RYR2: variants seen among roughly 807,000 people sequenced by gnomAD.
The protein encoded by RYR2 is cardiac muscle ryanodine receptor-calcium release channel.
A neutral mutation model predicts 601.1 loss-of-function variants in RYR2; 227 were observed. That is an observed-to-expected ratio of 0.38 (90% CI 0.34 to 0.42). The LOEUF (loss-of-function observed/expected upper bound fraction) is 0.42, where lower values mean the gene tolerates loss of function less well. Among genes scored for constraint, RYR2 ranks in the 10% least tolerant of loss-of-function variants. The pLI is 1.00. For synonymous variants in RYR2, 2,223 were observed against 2,175.1 expected (o/e 1.02, Z -0.61); for missense variants, 4,646 against 6,156.5 (o/e 0.75, Z 8.21).
rs1553329286 is a variant in RYR2, at chr1:237,795,836, G to GTATATA, written c.13956+513_13956+518dup. ...TATACAGGTATGTATGTGTGTGTGT[G>GTATATA]TATATATATATATGTATATGTATAT... On this transcript the variant is annotated intron_variant, in intron 96 of 104. Coordinates refer to ENST00000366574, the MANE Select transcript of RYR2 (RefSeq NM_001035.3). Among the ~76,000 whole-genome samples the GTATATA allele has an allele frequency of 1.4e-3, 181 of 132,644 alleles. 1 individual carries two copies. The highest frequency in any genetic ancestry group is 3.0e-3 in the African/African-American group (105 of 34,926). 87.0% of individuals were successfully genotyped at this position (132,644 alleles called of 152,430 possible).
intron 11 of RYR2, among the ~76,000 whole-genome samples, chr1:237,420,865 T>C (rs1430552561): frequency 6.6e-6 from 1 of 151,880 alleles, no homozygotes; most frequent in Non-Finnish European, 1.5e-5. Context: ...AATATTTCAT[T>C]GTTTTTCCAA....
At chr1:237,225,716 G>T (rs1015592321) in intron 1 of RYR2, among the ~76,000 whole-genome samples, 2 of 152,142 alleles carry the variant, frequency 1.3e-5, no homozygotes, top group Admixed American at 6.5e-5. Flanking sequence ...GGAGTGGGTG[G>T]GACTAGAGGG....
intron 84 of RYR2, among the ~76,000 whole-genome samples, chr1:237,763,799 A>C (rs551945572): frequency 1.6e-4 from 24 of 152,374 alleles, no homozygotes; most frequent in African/African-American, 5.5e-4. Flanking sequence ...GATTGTTTTA[A>C]GAATTCCTAT....
At chr1:237,414,605 A>G (rs557316193) in intron 10 of RYR2, among the ~76,000 whole-genome samples, 1 of 152,338 alleles carries the variant, frequency 6.6e-6, no homozygotes, top group South Asian at 2.1e-4. Flanking sequence ...CAATACATAC[A>G]CACAGTATAG....
At chr1:237,416,927 A>G in intron 10 of RYR2, 122 bp from the exon 11 acceptor site, 1 of 776,096 alleles carries the variant, frequency 1.3e-6, no homozygotes, top group Non-Finnish European at 2.2e-6. Flanking sequence ...AAAAAAGTAT[A>G]ACTTTAACTG....
intron 98 of RYR2, 61 bp from the exon 99 acceptor site, chr1:237,806,076 A>G (rs947404718): frequency 2.1e-5 from 31 of 1,487,326 alleles, no homozygotes; most frequent in Non-Finnish European, 2.6e-5. Flanking sequence ...TGCTTAACCC[A>G]TAACAATAGT....
intron 23 of RYR2, 121 bp downstream of exon 23, chr1:237,506,935 C>G: frequency 1.2e-6 from 1 of 832,266 alleles, no homozygotes; most frequent in Non-Finnish European, 2.0e-6. Flanking sequence ...ATTTTTTTCC[C>G]CCTACACATT....
intron 1 of RYR2, among the ~76,000 whole-genome samples, chr1:237,268,590 G>A (rs1689305581): frequency 1.3e-5 from 2 of 152,148 alleles, no homozygotes; most frequent in African/African-American, 4.8e-5. Flanking sequence ...GGCTTTGCCT[G>A]TGGCTGGTGC....
chr1:237,259,228 C>A (rs1031214967), intron 1 of RYR2, among the ~76,000 whole-genome samples: 1 of 152,066 alleles, frequency 6.6e-6, no homozygotes, highest in South Asian at 2.1e-4. Flanking sequence ...TACTACTGGA[C>A]CAGGCATGGT....
chr1:237,795,375 T>C, intron 96 of RYR2, 44 bp downstream of exon 96: 1 of 992,786 alleles, frequency 1.0e-6, no homozygotes, highest in South Asian at 1.6e-5. Flanking sequence ...AAAGCACAGT[T>C]TAGATTTTTA....
chr1:237,733,957 A>ACATT (rs1445314801), intron 79 of RYR2, among the ~76,000 whole-genome samples: 3 of 152,192 alleles, frequency 2.0e-5, no homozygotes, highest in Admixed American at 6.5e-5. Context: ...CTTTTTCTAA[A>ACATT]CATTCATTCA....
chr1:237,127,239 C>G (rs1298997942), intron 1 of RYR2, among the ~76,000 whole-genome samples: 1 of 152,144 alleles, frequency 6.6e-6, no homozygotes, highest in African/African-American at 2.4e-5. Flanking sequence ...CCACCTTTCC[C>G]GCCTTTCTAT....
intron 1 of RYR2, among the ~76,000 whole-genome samples, chr1:237,143,689 C>T (rs1223982190): frequency 6.6e-6 from 1 of 152,150 alleles, no homozygotes; most frequent in Non-Finnish European, 1.5e-5. Context: ...CTTCCTAATC[C>T]TCTTGCACTG....
chr1:237,749,759 G>A (rs1468248695), intron 80 of RYR2, among the ~76,000 whole-genome samples: 1 of 152,138 alleles, frequency 6.6e-6, no homozygotes, highest in East Asian at 1.9e-4. Context: ...AAGCATGCAA[G>A]TTTTTATCAC....
chr1:237,249,842 A>G lies in RYR2; in HGVS notation c.49-20655A>G, dbSNP rs570687042. ...ACTCACTGAACATCTGTTATATTCC[A>G]GGGATGATGATACACACAGGTGCAG... On this transcript the variant is annotated intron_variant, in intron 1 of 104. Coordinates refer to ENST00000366574, the MANE Select transcript of RYR2 (RefSeq NM_001035.3). Among the ~76,000 whole-genome samples, 185 of 152,304 alleles carry G rather than the reference A, an allele frequency of 1.2e-3. 2 individuals are homozygous for G. Among genetic ancestry groups the G allele is most frequent in the African/African-American group, 4.3e-3 (177 of 41,562 alleles).
Position 237,553,678 on chromosome 1 carries a change from A to C in RYR2, c.3214+2987A>C, listed in dbSNP as rs1001451913. ...GTCGACCAATTCATGAACATGGTAC[A>C]TTTGTCCATTTATTTTCATCCTCTT... On this transcript the variant is annotated intron_variant, in intron 27 of 104. Coordinates refer to ENST00000366574, the MANE Select transcript of RYR2 (RefSeq NM_001035.3). Among the ~76,000 whole-genome samples, 5 of 151,966 alleles carry C rather than the reference A, an allele frequency of 3.3e-5. 1 individual carries two copies. The highest frequency in any genetic ancestry group is 2.6e-4 in the Admixed American group (4 of 15,282).
intron 14 of RYR2, 77 bp from the exon 15 acceptor site, chr1:237,454,314 C>T (rs1445196978): frequency 7.0e-7 from 1 of 1,436,290 alleles, no homozygotes; most frequent in East Asian, 2.3e-5. Flanking sequence ...AGATTAATGC[C>T]TGAAATCATC....
intron 80 of RYR2, chr1:237,743,567 C>T: frequency 1.9e-6 from 1 of 518,610 alleles, no homozygotes; most frequent in Non-Finnish European, 3.9e-6. Flanking sequence ...TTGTTTATTG[C>T]TATTTTGCTT....
At chr1:237,452,821 A>G (rs1174893133) in intron 14 of RYR2, among the ~76,000 whole-genome samples, 1 of 151,614 alleles carries the variant, frequency 6.6e-6, no homozygotes, top group Non-Finnish European at 1.5e-5. Context: ...TTAAGATGAT[A>G]TACATCTTTG....
Sources: allele counts gnomAD v4.1 joint callset (sites outside exome capture counted in the v4.1 genomes callset), GRCh38; gene constraint gnomAD v4.1.1; transcripts MANE v1.5; gene names NCBI Gene and HGNC (gene_info 2026-07-23, HGNC 2026-07-21).